The following GPT2 variants were observed in gnomAD, a reference collection of about 807,000 sequenced individuals.
The protein encoded by GPT2 is glutamic--pyruvic transaminase 2, also known as alanine aminotransferase 2.
A neutral mutation model predicts 56.9 loss-of-function variants in GPT2; 30 were observed. The observed-to-expected ratio is 0.53, with a 90% CI of 0.39 to 0.72. The LOEUF (loss-of-function observed/expected upper bound fraction) is 0.72, where lower values mean the gene tolerates loss of function less well. GPT2 is among the 30% of genes least tolerant of loss of function. The pLI is 0.00. For missense variants in GPT2, 542 were observed against 703.4 expected, an observed-to-expected ratio of 0.77 and a Z score of 2.60; for synonymous variants, 271 against 283.1, an observed-to-expected ratio of 0.96 and a Z score of 0.43.
intron 3 of GPT2, among the ~76,000 whole-genome samples, chr16:46,899,017 ATATATATATATATATATAT>A (rs1331385136): frequency 0.17 from 1,396 of 8,216 alleles, 26 homozygotes; most frequent in African/African-American, 0.24. Context: ...ATATATATAT[ATATATATATATATATATAT>A]TTTTTTTTTT....
At chr16:46,886,400 C>T (rs979067592) in intron 2 of GPT2, among the ~76,000 whole-genome samples, 2 of 152,206 alleles carry the variant, frequency 1.3e-5, no homozygotes, top group Non-Finnish European at 2.9e-5. Flanking sequence ...ATAGCAACTC[C>T]TGTGCTGGCT....
intron 8 of GPT2, 68 bp downstream of exon 8, chr16:46,918,825 C>T: frequency 6.3e-7 from 1 of 1,579,018 alleles, no homozygotes. Flanking sequence ...GGCTCCTCTG[C>T]CCTGCCCCGT....
intron 2 of GPT2, 75 bp downstream of exon 2, chr16:46,885,033 C>T (rs1596855855): frequency 1.4e-6 from 2 of 1,386,920 alleles, no homozygotes; most frequent in Non-Finnish European, 1.9e-6. Flanking sequence ...CAGCTGGGGT[C>T]CTTCCCACGA....
intron 4 of GPT2, among the ~76,000 whole-genome samples, chr16:46,906,044 G>A (rs1960918253): frequency 6.6e-6 from 1 of 152,078 alleles, no homozygotes; most frequent in African/African-American, 2.4e-5. Context: ...GGGTGCCTGG[G>A]GCTGGCCAGT....
intron 11 of GPT2, among the ~76,000 whole-genome samples, chr16:46,927,661 AAAAG>A (rs1961445469): frequency 2.0e-5 from 3 of 152,210 alleles, no homozygotes; most frequent in South Asian, 4.1e-4. Context: ...GATGCTAAAA[AAAAG>A]AAATGGCATG....
intron 4 of GPT2, among the ~76,000 whole-genome samples, chr16:46,906,407 T>C (rs1166103643): frequency 6.6e-6 from 1 of 152,192 alleles, no homozygotes; most frequent in African/African-American, 2.4e-5. Context: ...TCTCAAGTCC[T>C]ATGGAACCAT....
chr16:46,893,851 G>C (rs1960633916), intron 2 of GPT2, among the ~76,000 whole-genome samples: 1 of 152,198 alleles, frequency 6.6e-6, no homozygotes, highest in African/African-American at 2.4e-5. Flanking sequence ...CGGCTCCTTA[G>C]TCCCTCTGAG....
At position 46,897,719 on chromosome 16, in the gene GPT2, A is replaced by G. The variant is rs1442966081; in HGVS notation, c.315A>G (p.Pro105=). Residue 105 remains proline (P), a synonymous_variant, in exon 3 of 12, where the codon CCA becomes CCG. Transcript: ENST00000340124. The part of the protein sequence containing the change: ...IGDAQAMGQQ[P]ITFLRQVMAL... The stretch of plus-strand genomic sequence containing the variant: ...ACGCCCAGGCTATGGGGCAGCAGCC[A>G]ATCACCTTCCTCCGGCAGGTGAGCC... 1 of 1,613,834 alleles carries G rather than the reference A, an allele frequency of 6.2e-7. No individual in the cohort carries two copies. Among genetic ancestry groups the G allele is most frequent in the African/African-American group, 1.3e-5 (1 of 74,894 alleles).
chr16:46,884,526 G>C lies in GPT2; in HGVS notation c.-23+59G>C, dbSNP rs550230687. On this transcript the variant is annotated intron_variant, in intron 1 of 11. Transcript: ENST00000340124. ...GCGAAAGCCGGTTGGGTGTGCGTTG[G>C]TGCTTCAGCGGCGCCGTGGAGGGTC... 42 of 601,348 alleles carry C rather than the reference G, an allele frequency of 7.0e-5. No homozygotes were observed. The African/African-American group carries it at 7.1e-4, about 10-fold the overall frequency. 37.3% of individuals were successfully genotyped at this position (601,348 alleles called of 1,614,324 possible).
intron 5 of GPT2, among the ~76,000 whole-genome samples, chr16:46,908,544 T>C (rs1960982687): frequency 6.6e-6 from 1 of 152,168 alleles, no homozygotes; most frequent in Non-Finnish European, 1.5e-5. Context: ...AGGCTCTTGT[T>C]TGTTGAGTGC....
At chr16:46,889,175 A>T (rs1289489271) in intron 2 of GPT2, among the ~76,000 whole-genome samples, 2 of 148,144 alleles carry the variant, frequency 1.4e-5, no homozygotes, top group Non-Finnish European at 3.0e-5. Context: ...CACAAGGCGT[A>T]TGCCACCACG....
chr16:46,912,512 C>T (rs760419922), intron 6 of GPT2, among the ~76,000 whole-genome samples: 4 of 152,184 alleles, frequency 2.6e-5, no homozygotes, highest in South Asian at 2.1e-4. Flanking sequence ...CCAGGCCTCC[C>T]GCTGGAGTTC....
In GPT2 at chr16:46,923,872, C is replaced by A. The variant is rs371230247; in HGVS notation, c.1213-517C>A. 1.6e-5 allele frequency: 4 copies of A among 252,680 alleles called. No individual in the cohort carries two copies. In the East Asian group the frequency reaches 2.9e-4, roughly 18 times the overall value. 15.7% of individuals were successfully genotyped at this position (252,680 alleles called of 1,614,324 possible). A position where few individuals can be genotyped will look rare whatever the true frequency, so the allele number is the denominator to read the frequency against. ...CCTAGAAGCATGTTCTGAGGAATTCCGTCCAGAGCCAAGTCCATACAGACT... is the reference window on the plus strand; with the variant it reads ...CCTAGAAGCATGTTCTGAGGAATTCAGTCCAGAGCCAAGTCCATACAGACT... On this transcript the variant is annotated intron_variant, in intron 9 of 11. Transcript: ENST00000340124.
intron 4 of GPT2, among the ~76,000 whole-genome samples, chr16:46,901,989 T>A (rs1960828531): frequency 6.6e-6 from 1 of 152,086 alleles, no homozygotes; most frequent in Non-Finnish European, 1.5e-5. Context: ...AGGGCAAAGG[T>A]GTTTCCCAAA....
chr16:46,923,853 A>T (rs1255851020), intron 9 of GPT2: 3 of 245,718 alleles, frequency 1.2e-5, no homozygotes, highest in African/African-American at 6.7e-5. Context: ...GTGTCCTAGA[A>T]GCATGTTCTG....
At position 46,924,217 on chromosome 16, in the gene GPT2, TG is replaced by T. The variant is rs778212398; in HGVS notation, c.1213-171del. The T allele has an allele frequency of 1.4e-5, 10 of 731,762 alleles. 1 individual carries two copies. The South Asian group carries it at 1.5e-4, about 11-fold the overall frequency. The allele number at this position is 731,762 out of a possible 1,614,324, so 45.3% of individuals were successfully genotyped here. ...GTCTGTGTGGTGTGCATGGGGCATG[TG>T]ACCCAGGCAGAGCAAATCTGAGTCA... On this transcript the variant is annotated intron_variant, in intron 9 of 11. Coordinates refer to ENST00000340124, the MANE Select transcript of GPT2 (RefSeq NM_133443.4).
intron 2 of GPT2, among the ~76,000 whole-genome samples, chr16:46,888,797 G>A (rs1039397551): frequency 6.6e-6 from 1 of 151,486 alleles, no homozygotes; most frequent in African/African-American, 2.4e-5. Context: ...CTACAGGTGT[G>A]CACCACCATG....
intron 4 of GPT2, among the ~76,000 whole-genome samples, chr16:46,906,452 A>C (rs1283214811): frequency 6.6e-6 from 1 of 152,192 alleles, no homozygotes; most frequent in African/African-American, 2.4e-5. Flanking sequence ...TGGGAATCCC[A>C]GCTCTAGTGA....
At chr16:46,928,449 C>A (rs1297052595) in intron 11 of GPT2, among the ~76,000 whole-genome samples, 8 of 151,870 alleles carry the variant, frequency 5.3e-5, no homozygotes, top group Non-Finnish European at 1.0e-4. Flanking sequence ...ATGGTGAAAC[C>A]CCGTCTCTTC....
Sources: gnomAD v4.1 joint callset for allele counts (sites outside exome capture counted in the v4.1 genomes callset) on GRCh38, gnomAD v4.1.1 for gene constraint, MANE v1.5 for transcripts, NCBI Gene and HGNC (gene_info 2026-07-23, HGNC 2026-07-21) for gene names.